SH3KBP1: variants seen among roughly 807,000 people sequenced by gnomAD.
SH3KBP1 encodes SH3 domain-containing kinase-binding protein 1.
SH3KBP1 carries 8 observed loss-of-function variants against 50.1 expected under a neutral mutation model. The observed-to-expected ratio is 0.16, with a 90% CI of 0.09 to 0.29. The LOEUF (loss-of-function observed/expected upper bound fraction) is 0.29. Ranked by LOEUF, SH3KBP1 falls within the 10% of genes least tolerant of loss-of-function variation. SH3KBP1 has a pLI of 1.00. For synonymous variants in SH3KBP1, 227 were observed against 218.6 expected, an observed-to-expected ratio of 1.04 and a Z score of -0.34; for missense variants, 377 against 535.2, an observed-to-expected ratio of 0.70 and a Z score of 2.92.
rs776699986 is a variant in SH3KBP1, at chrX:19,558,515, T to C, written c.1385-8432A>G. Among the ~76,000 whole-genome samples, 9 of 112,100 alleles carry C rather than the reference T, an allele frequency of 8.0e-5. No homozygotes were observed. In the South Asian group the frequency reaches 1.5e-3, roughly 18 times the overall value. ...TGCAGCAATTTAACCACCACCATCA[T>C]CCATTTTAAAATATCATAAGATTTT... On this transcript the variant is annotated intron_variant, in intron 13 of 17. Coordinates refer to ENST00000397821, the MANE Select transcript of SH3KBP1 (RefSeq NM_031892.3).
intron 1 of SH3KBP1, among the ~76,000 whole-genome samples, chrX:19,838,059 AAAC>A (rs60326622): frequency 0.028 from 2,855 of 100,660 alleles, 36 homozygotes; most frequent in Middle Eastern, 0.029. Flanking sequence ...CAAATGAGTA[AAAC>A]AACAACAACA....
At chrX:19,725,928 G>C (rs766577902) in intron 3 of SH3KBP1, among the ~76,000 whole-genome samples, 1 of 111,959 alleles carries the variant, frequency 8.9e-6, no homozygotes, top group Non-Finnish European at 1.9e-5. Context: ...GAACCACGTT[G>C]CCTATGACTT....
intron 9 of SH3KBP1, among the ~76,000 whole-genome samples, chrX:19,604,623 A>G (rs1438481374): frequency 1.8e-5 from 2 of 111,806 alleles, no homozygotes; most frequent in African/African-American, 6.5e-5. Flanking sequence ...AGACTCTAGC[A>G]TTCACATAGT....
chrX:19,815,307 T>A (rs188119042), intron 2 of SH3KBP1, among the ~76,000 whole-genome samples: 1 of 111,125 alleles, frequency 9.0e-6, no homozygotes, highest in African/African-American at 3.3e-5. Context: ...TTGGAGATTT[T>A]TTTTAATTTT....
chrX:19,592,086 T>A lies in SH3KBP1; in HGVS notation c.1119A>T (p.Pro373=), dbSNP rs2066765678. 2.5e-6 allele frequency: 3 copies of A among 1,204,688 alleles called. No individual in the cohort carries two copies. The highest frequency in any genetic ancestry group is 3.4e-6 in the Non-Finnish European group (3 of 890,917). ...KIPPERPEML[P]NRTEEKERPE... is the part of the protein sequence containing the mutation. Reference sequence around the variant, plus strand: ...TCATACCTTTTTCTTCTGTTCTGTTTGGAAGCATTTCTGGTCTTTCAGGAG... The same window carrying A: ...TCATACCTTTTTCTTCTGTTCTGTTAGGAAGCATTTCTGGTCTTTCAGGAG... Residue 373 remains proline (P), a synonymous_variant, in exon 11 of 18, where the codon CCA becomes CCT. Coordinates refer to ENST00000397821, the MANE Select transcript of SH3KBP1 (RefSeq NM_031892.3).
At chrX:19,793,305 G>GAAAAAAAAA (rs1276369664) in intron 2 of SH3KBP1, among the ~76,000 whole-genome samples, 1 of 94,555 alleles carries the variant, frequency 1.1e-5, no homozygotes, top group African/African-American at 4.2e-5. Context: ...TTGTCTCAAG[G>GAAAAAAAAA]AAAAAAAAAT....
chrX:19,576,538 C>T (rs956428959), intron 12 of SH3KBP1, among the ~76,000 whole-genome samples: 2 of 111,499 alleles, frequency 1.8e-5, no homozygotes, highest in African/African-American at 6.5e-5. Flanking sequence ...TTCCTGGACT[C>T]GAGTGATCCT....
chrX:19,583,158 TA>T (rs1368110509), intron 12 of SH3KBP1, among the ~76,000 whole-genome samples: 7 of 92,267 alleles, frequency 7.6e-5, no homozygotes, highest in African/African-American at 3.0e-4. Flanking sequence ...TTATTATTAT[TA>T]TTATTATTTT....
At chrX:19,735,076 A>G (rs2064507747) in intron 3 of SH3KBP1, among the ~76,000 whole-genome samples, 1 of 112,062 alleles carries the variant, frequency 8.9e-6, no homozygotes, top group Non-Finnish European at 1.9e-5. Context: ...ACCATTTTAC[A>G]TTTCCACCAG....
intron 2 of SH3KBP1, among the ~76,000 whole-genome samples, chrX:19,825,565 T>G (rs2067647351): frequency 9.0e-6 from 1 of 111,387 alleles, no homozygotes; most frequent in Non-Finnish European, 1.9e-5. Context: ...GTAGAAGAAT[T>G]TGATGAGATA....
At chrX:19,770,487 G>A (rs2065758584) in intron 2 of SH3KBP1, among the ~76,000 whole-genome samples, 1 of 111,942 alleles carries the variant, frequency 8.9e-6, no homozygotes, top group Admixed American at 9.4e-5. Context: ...ATTGTGAAGA[G>A]TGTGGCAATG....
chrX:19,703,146 C>T (rs747583740), intron 4 of SH3KBP1, among the ~76,000 whole-genome samples: 1 of 112,040 alleles, frequency 8.9e-6, no homozygotes, highest in Non-Finnish European at 1.9e-5. Context: ...AGACTCGCTC[C>T]TGCCAGGTGA....
rs2068738462 is a variant in SH3KBP1, at chrX:19,859,811, C to A, written c.5-23529G>T. Among the ~76,000 whole-genome samples, 3 of 110,960 alleles carry A rather than the reference C, an allele frequency of 2.7e-5. No homozygotes were observed. In the Admixed American group the frequency reaches 2.9e-4, roughly 11 times the overall value. The stretch of plus-strand genomic sequence containing the variant: ...CTCCTGGCCTCTCAACCATCTGGCA[C>A]CTGTCTCTGAGTCCACTTGCCATCT... On this transcript the variant is annotated intron_variant, in intron 1 of 17. Transcript: ENST00000397821.
intron 2 of SH3KBP1, among the ~76,000 whole-genome samples, chrX:19,782,541 G>T (rs1262893197): frequency 1.8e-5 from 2 of 111,610 alleles, no homozygotes; most frequent in South Asian, 7.6e-4. Context: ...GGAGAGGAAA[G>T]GAAGGCTTTG....
At chrX:19,625,393 A>C (rs1339285902) in intron 8 of SH3KBP1, among the ~76,000 whole-genome samples, 1 of 111,015 alleles carries the variant, frequency 9.0e-6, no homozygotes, top group Non-Finnish European at 1.9e-5. Context: ...TAGGAAGAAA[A>C]GAGGAAGGCA....
rs1312932723 is a variant in SH3KBP1 at position 19,818,617 on chromosome X, T to A, written c.162+17508A>T. On this transcript the variant is annotated intron_variant, in intron 2 of 17. Coordinates refer to ENST00000397821, the MANE Select transcript of SH3KBP1 (RefSeq NM_031892.3). ...CTCTCTATTCCTAGTTTGCTGAGAG[T>A]TTTTATCATGAATGGCGTTGAATTT... Among the ~76,000 whole-genome samples, 3 of 111,301 alleles carry A rather than the reference T, an allele frequency of 2.7e-5. No homozygotes were observed. In the Admixed American group the frequency reaches 2.9e-4, roughly 11 times the overall value.
At chrX:19,554,149 TATCATATTAAAATATAA>T (rs1569278643) in intron 13 of SH3KBP1, among the ~76,000 whole-genome samples, 14 of 76,961 alleles carry the variant, frequency 1.8e-4, no homozygotes, top group African/African-American at 6.1e-4. Context: ...ATATATTATA[TATCATATTAAAATATAA>T]TATATATCAT....
rs757643264 is a variant in SH3KBP1 at position 19,561,234 on chromosome X, A to G, written c.1384+7869T>C. Among the ~76,000 whole-genome samples, 66 of 110,759 alleles carry G rather than the reference A, an allele frequency of 6.0e-4. 1 individual carries two copies. Among genetic ancestry groups the G allele is most frequent in the Admixed American group, 1.1e-3 (11 of 10,333 alleles). On this transcript the variant is annotated intron_variant, in intron 13 of 17. Coordinates refer to ENST00000397821, the MANE Select transcript of SH3KBP1 (RefSeq NM_031892.3). ...AAAACCTTCTGTCTCAAAGCCTAGT[A>G]TGCTTTTTACTACCCTAGGAGAGAC...
At chrX:19,605,003 G>A (rs148797318) in intron 9 of SH3KBP1, among the ~76,000 whole-genome samples, 145 of 111,310 alleles carry the variant, frequency 1.3e-3, no homozygotes, top group Non-Finnish European at 2.2e-3. Context: ...ATGCCCATGG[G>A]GCCCCAGAGA....
Sources: allele counts gnomAD v4.1 joint callset (sites outside exome capture counted in the v4.1 genomes callset), GRCh38; gene constraint gnomAD v4.1.1; transcripts MANE v1.5; gene names NCBI Gene and HGNC (gene_info 2026-07-23, HGNC 2026-07-21).